The following TAFA4 variants were observed in gnomAD, a reference collection of about 807,000 sequenced individuals.
TAFA4 encodes TAFA chemokine like family member 4.
TAFA4 carries 20 observed loss-of-function variants against 21.1 expected under a neutral mutation model. The ratio of observed to expected loss-of-function variants is 0.95; its 90% CI spans 0.67 to 1.38. TAFA4 has a LOEUF of 1.38. TAFA4 is among the 40% of genes most tolerant of loss of function. The pLI is 0.00. For missense variants in TAFA4, 211 were observed against 180.9 expected, an observed-to-expected ratio of 1.17 and a Z score of -0.95; for synonymous variants, 71 against 67.4, an observed-to-expected ratio of 1.05 and a Z score of -0.26.
intron 1 of TAFA4, among the ~76,000 whole-genome samples, chr3:68,912,593 T>C (rs751064966): frequency 3.3e-5 from 5 of 152,220 alleles, no homozygotes; most frequent in Non-Finnish European, 4.4e-5. Context: ...AATCAAGTCT[T>C]ACTCATCTGT....
chr3:68,838,716 A>G (rs1474824544), intron 3 of TAFA4, among the ~76,000 whole-genome samples: 4 of 152,116 alleles, frequency 2.6e-5, no homozygotes, highest in African/African-American at 4.8e-5. Flanking sequence ...TGAAAAAGAC[A>G]TACCATAGGC....
At position 68,791,659 on chromosome 3, in the gene TAFA4, G is replaced by A. The variant is rs571685885; in HGVS notation, c.131-38641C>T. ...AAAATAAATGACTTTGTTTCTGTCAGGAAGCCCAAGAAATAAACCATACTG... is the reference window on the plus strand; with the variant it reads ...AAAATAAATGACTTTGTTTCTGTCAAGAAGCCCAAGAAATAAACCATACTG... On this transcript the variant is annotated intron_variant, in intron 3 of 5. Coordinates refer to ENST00000295569, the MANE Select transcript of TAFA4 (RefSeq NM_182522.5). Among the ~76,000 whole-genome samples, 39 of 152,276 alleles carry A rather than the reference G, an allele frequency of 2.6e-4. No homozygotes were observed. In the South Asian group the frequency reaches 8.1e-3, roughly 32 times the overall value.
chr3:68,832,251 A>G (rs906555809), intron 3 of TAFA4, among the ~76,000 whole-genome samples: 25 of 152,148 alleles, frequency 1.6e-4, no homozygotes, highest in African/African-American at 6.0e-4. Context: ...CTTTGGAGGA[A>G]AAGAGGCCTT....
chr3:68,841,413 C>A (rs897183509), intron 3 of TAFA4, among the ~76,000 whole-genome samples: 34 of 152,132 alleles, frequency 2.2e-4, no homozygotes, highest in South Asian at 8.3e-4. Flanking sequence ...TCACAATTGG[C>A]TGGCACTGTT....
chr3:68,734,171 T>A (rs1172785965), intron 5 of TAFA4, among the ~76,000 whole-genome samples: 4 of 152,164 alleles, frequency 2.6e-5, no homozygotes, highest in Non-Finnish European at 5.9e-5. Context: ...GATGGTAAAA[T>A]CTGAATTTCA....
chr3:68,799,754 G>GTGTCTCCCCTAGAGCAGA (rs1157462020), intron 3 of TAFA4, among the ~76,000 whole-genome samples: 2 of 51,956 alleles, frequency 3.8e-5, no homozygotes, highest in Non-Finnish European at 1.0e-4. Context: ...CAAAGAGATC[G>GTGTCTCCCCTAGAGCAGA]TGTCTCCAAC....
At chr3:68,743,841 T>C (rs538169887) in intron 4 of TAFA4, among the ~76,000 whole-genome samples, 64 of 152,310 alleles carry the variant, frequency 4.2e-4, no homozygotes, top group African/African-American at 1.4e-3. Context: ...CAGTAGTCTT[T>C]CTACTGTAAC....
At position 68,743,315 on chromosome 3, in the gene TAFA4, C is replaced by T. The variant is rs191286431; in HGVS notation, c.287-4116G>A. Among the ~76,000 whole-genome samples, 948 of 152,256 alleles carry T rather than the reference C, an allele frequency of 6.2e-3. 9 individuals are homozygous for T. The highest frequency in any genetic ancestry group is 0.022 in the African/African-American group (916 of 41,548). On this transcript the variant is annotated intron_variant, in intron 4 of 5. Coordinates refer to ENST00000295569, the MANE Select transcript of TAFA4 (RefSeq NM_182522.5). ...TCTTGGCCAGGCATGGTACCTCACA[C>T]CTGTAATCCCAGCACTTTGGAAGGC...
chr3:68,905,150 C>CTTTTTTTTTTTT (rs145187037), intron 1 of TAFA4, among the ~76,000 whole-genome samples: 4 of 85,244 alleles, frequency 4.7e-5, no homozygotes, highest in African/African-American at 1.9e-4. Flanking sequence ...AGATTTCTGC[C>CTTTTTTTTTTTT]TTTTTTTTTT....
intron 1 of TAFA4, among the ~76,000 whole-genome samples, chr3:68,888,617 A>T (rs1035609181): frequency 2.6e-5 from 4 of 152,158 alleles, no homozygotes; most frequent in African/African-American, 7.2e-5. Context: ...GAATACCTTT[A>T]AAAAAATCTA....
rs566598595 is a variant in TAFA4, at chr3:68,814,716, A to C, written c.131-61698T>G. 1.6e-4 allele frequency among the ~76,000 whole-genome samples: 25 copies of C among 152,306 alleles called. 1 individual carries two copies. In the South Asian group the frequency reaches 5.2e-3, roughly 32 times the overall value. Reference sequence around the variant, plus strand: ...ATGCTCATGGGTAGGAAGAATCAGTATCGTGAAAATGGCCATACTGCCCAA... The same window carrying C: ...ATGCTCATGGGTAGGAAGAATCAGTCTCGTGAAAATGGCCATACTGCCCAA... On this transcript the variant is annotated intron_variant, in intron 3 of 5. Coordinates refer to ENST00000295569, the MANE Select transcript of TAFA4 (RefSeq NM_182522.5).
At chr3:68,886,463 A>G (rs1473890146) in intron 1 of TAFA4, among the ~76,000 whole-genome samples, 1 of 152,226 alleles carries the variant, frequency 6.6e-6, no homozygotes, top group East Asian at 1.9e-4. Flanking sequence ...ACCTTCTGCT[A>G]TCAGAAAGAA....
At chr3:68,880,603 C>A (rs2089604799) in intron 3 of TAFA4, 127 bp downstream of exon 3, 7 of 697,580 alleles carry the variant, frequency 1.0e-5, no homozygotes. Context: ...CGCCATATTT[C>A]ATGCTTCCTC....
At chr3:68,863,118 G>A (rs2089369733) in intron 3 of TAFA4, among the ~76,000 whole-genome samples, 1 of 150,788 alleles carries the variant, frequency 6.6e-6, no homozygotes, top group Non-Finnish European at 1.5e-5. Context: ...CGTGCCCATA[G>A]TCCCAGCTAG....
In TAFA4 at chr3:68,853,439, T is replaced by C. The variant is rs568880241; in HGVS notation, c.130+27291A>G. Among the ~76,000 whole-genome samples, 10 of 152,258 alleles carry C rather than the reference T, an allele frequency of 6.6e-5. No homozygotes were observed. The East Asian group carries it at 1.9e-3, about 29-fold the overall frequency. ...TCCCCGAAATGCCTACCTTTCCTCC[T>C]CTCTGCCTACTGGTAGAGACTTGTT... On this transcript the variant is annotated intron_variant, in intron 3 of 5. Coordinates refer to ENST00000295569, the MANE Select transcript of TAFA4 (RefSeq NM_182522.5).
chr3:68,770,177 C>CTGTT (rs1365959944), intron 3 of TAFA4, among the ~76,000 whole-genome samples: 3 of 152,142 alleles, frequency 2.0e-5, no homozygotes, highest in Admixed American at 6.5e-5. Context: ...TTTTTGTTTT[C>CTGTT]TGTTTGTTTT....
At chr3:68,774,398 A>G (rs1222249925) in intron 3 of TAFA4, among the ~76,000 whole-genome samples, 1 of 152,214 alleles carries the variant, frequency 6.6e-6, no homozygotes, top group Non-Finnish European at 1.5e-5. Context: ...GGAAAGAAAG[A>G]TAAGACCATG....
chr3:68,919,769 T>A (rs1311359423), intron 1 of TAFA4, among the ~76,000 whole-genome samples: 3 of 152,202 alleles, frequency 2.0e-5, no homozygotes, highest in Non-Finnish European at 4.4e-5. Context: ...ACAGATTTTA[T>A]TGATAATGTC....
chr3:68,827,235 A>G (rs929414180), intron 3 of TAFA4, among the ~76,000 whole-genome samples: 3 of 152,074 alleles, frequency 2.0e-5, no homozygotes, highest in African/African-American at 4.8e-5. Flanking sequence ...TTATGGCTGC[A>G]TAGTATTTCA....
Sources: allele counts gnomAD v4.1 joint callset (sites outside exome capture counted in the v4.1 genomes callset), GRCh38; gene constraint gnomAD v4.1.1; transcripts MANE v1.5; gene names NCBI Gene and HGNC (gene_info 2026-07-23, HGNC 2026-07-21).